CDH12: variants seen among roughly 807,000 people sequenced by gnomAD.
CDH12 encodes cadherin-12.
CDH12 carries 41 observed loss-of-function variants against 74.1 expected under a neutral mutation model. The ratio of observed to expected loss-of-function variants is 0.55; its 90% CI spans 0.43 to 0.72. CDH12 has a LOEUF of 0.72. CDH12 is among the 30% of genes least tolerant of loss of function. The pLI, the probability that CDH12 is intolerant of heterozygous loss-of-function variation, is 0.00. For synonymous variants in CDH12, 399 were observed against 355.0 expected (o/e 1.12, Z -1.39); for missense variants, 945 against 977.2 (o/e 0.97, Z 0.44).
At chr5:21,953,220 G>A (rs556563910) in intron 6 of CDH12, among the ~76,000 whole-genome samples, 1 of 151,910 alleles carries the variant, frequency 6.6e-6, no homozygotes, top group East Asian at 1.9e-4. Flanking sequence ...CCTTTCTATC[G>A]ATTTCAAGAC....
At chr5:22,350,927 A>G (rs1168621341) in intron 3 of CDH12, among the ~76,000 whole-genome samples, 1 of 152,214 alleles carries the variant, frequency 6.6e-6, no homozygotes, top group Non-Finnish European at 1.5e-5. Flanking sequence ...AAAGTAGAGT[A>G]GTATGTTCTA....
chr5:22,666,291 TTTTTTTTTTTG>T (rs1485884838), intron 1 of CDH12, among the ~76,000 whole-genome samples: 4 of 88,144 alleles, frequency 4.5e-5, no homozygotes, highest in Non-Finnish European at 7.2e-5. Context: ...TCTTTTTTTT[TTTTTTTTTTTG>T]TTTTTGAGAC....
chr5:21,833,364 T>A (rs1339328227), intron 8 of CDH12, among the ~76,000 whole-genome samples: 1 of 93,716 alleles, frequency 1.1e-5, no homozygotes, highest in Non-Finnish European at 1.9e-5. Flanking sequence ...ATATTATATA[T>A]TATATAGTAT....
intron 5 of CDH12, among the ~76,000 whole-genome samples, chr5:21,995,817 A>T (rs1024760451): frequency 3.3e-5 from 5 of 151,712 alleles, no homozygotes; most frequent in Admixed American, 6.6e-5. Flanking sequence ...CTGATTGCAT[A>T]AAAAAAAGCC....
At chr5:22,554,915 T>C (rs1738731338) in intron 1 of CDH12, among the ~76,000 whole-genome samples, 1 of 152,152 alleles carries the variant, frequency 6.6e-6, no homozygotes, top group South Asian at 2.1e-4. Context: ...TCAAGCACAC[T>C]TAATCATGTG....
chr5:21,944,743 T>C (rs538649952), intron 6 of CDH12, among the ~76,000 whole-genome samples: 189 of 152,242 alleles, frequency 1.2e-3, no homozygotes, highest in African/African-American at 4.4e-3. Context: ...CTGGTGTCAG[T>C]GGACCATATC....
intron 8 of CDH12, among the ~76,000 whole-genome samples, chr5:21,824,832 A>G (rs1368217994): frequency 6.6e-6 from 1 of 152,038 alleles, no homozygotes; most frequent in Non-Finnish European, 1.5e-5. Flanking sequence ...CCTCTACTTC[A>G]CACTCTACAA....
intron 1 of CDH12, among the ~76,000 whole-genome samples, chr5:22,720,500 A>G (rs1476808925): frequency 1.3e-5 from 2 of 152,180 alleles, no homozygotes; most frequent in Non-Finnish European, 2.9e-5. Flanking sequence ...TTGGTGCTGC[A>G]GAGAGTGGGG....
At chr5:21,851,296 CTAA>C (rs1157285495) in intron 7 of CDH12, among the ~76,000 whole-genome samples, 3 of 151,034 alleles carry the variant, frequency 2.0e-5, no homozygotes, top group African/African-American at 7.2e-5. Flanking sequence ...ATCATTTATA[CTAA>C]TATTTGTTTT....
At position 22,808,767 on chromosome 5, in the gene CDH12, T is replaced by TG. The variant is rs1257789292; in HGVS notation, c.-523+44290_-523+44291insC. Reference sequence around the variant, plus strand: ...GGCATACCCCACCACACCTGGTTTTTTTTTTTTTTTTTTTTTTTTTTAGTA... The same window carrying TG: ...GGCATACCCCACCACACCTGGTTTTTGTTTTTTTTTTTTTTTTTTTTTAGTA... On this transcript the variant is annotated intron_variant, in intron 1 of 14. Transcript: ENST00000382254. Among the ~76,000 whole-genome samples, 104 of 140,460 alleles carry TG rather than the reference T, an allele frequency of 7.4e-4. 2 individuals carry two copies. Among genetic ancestry groups the TG allele is most frequent in the African/African-American group, 2.7e-3 (103 of 37,704 alleles). 92.1% of individuals were successfully genotyped at this position (140,460 alleles called of 152,430 possible).
At chr5:22,804,019 T>TA (rs1748660915) in intron 1 of CDH12, among the ~76,000 whole-genome samples, 1 of 152,050 alleles carries the variant, frequency 6.6e-6, no homozygotes, top group South Asian at 2.1e-4. Context: ...CATATTTAAA[T>TA]AAAAAATGAA....
chr5:21,881,035 G>GT (rs911440528), intron 6 of CDH12, among the ~76,000 whole-genome samples: 2 of 151,850 alleles, frequency 1.3e-5, no homozygotes, highest in African/African-American at 4.8e-5. Context: ...TAAAATCTTA[G>GT]TTTTTTATTT....
chr5:22,380,104 A>C (rs1405168176), intron 3 of CDH12, among the ~76,000 whole-genome samples: 2 of 152,182 alleles, frequency 1.3e-5, no homozygotes, highest in Non-Finnish European at 2.9e-5. Context: ...TTCAATGCTA[A>C]GGCAATATTG....
intron 1 of CDH12, among the ~76,000 whole-genome samples, chr5:22,697,416 GA>G (rs1409576724): frequency 1.3e-5 from 2 of 151,696 alleles, no homozygotes; most frequent in Non-Finnish European, 2.9e-5. Context: ...CTAAAAAATA[GA>G]AAAAATTAGC....
chr5:22,275,486 G>A (rs1013366238), intron 3 of CDH12, among the ~76,000 whole-genome samples: 4 of 152,180 alleles, frequency 2.6e-5, no homozygotes, highest in South Asian at 2.1e-4. Flanking sequence ...CAGTAAAGCT[G>A]TACTTTACTT....
chr5:22,221,524 C>T (rs914783004), intron 3 of CDH12, among the ~76,000 whole-genome samples: 2 of 151,912 alleles, frequency 1.3e-5, no homozygotes, highest in African/African-American at 4.8e-5. Flanking sequence ...CTCTAAGTGA[C>T]TTAATGGCAC....
intron 3 of CDH12, among the ~76,000 whole-genome samples, chr5:22,368,093 C>A (rs184348686): frequency 6.6e-6 from 1 of 151,950 alleles, no homozygotes; most frequent in Non-Finnish European, 1.5e-5. Flanking sequence ...TATGTTAAGG[C>A]AAATTGTTTT....
At chr5:22,535,304 G>T (rs1163627620) in intron 1 of CDH12, among the ~76,000 whole-genome samples, 1 of 151,688 alleles carries the variant, frequency 6.6e-6, no homozygotes, top group Admixed American at 6.6e-5. Flanking sequence ...ACAGGCGCCC[G>T]CTACCACGCC....
chr5:21,936,740 C>T (rs140984683), intron 6 of CDH12, among the ~76,000 whole-genome samples: 1,964 of 152,194 alleles, frequency 0.013, 14 homozygotes, highest in African/African-American at 0.023. Context: ...GGGGAGGGAC[C>T]TGGTGGGAGG....
Sources: gnomAD v4.1 joint callset for allele counts (sites outside exome capture counted in the v4.1 genomes callset) on GRCh38, gnomAD v4.1.1 for gene constraint, MANE v1.5 for transcripts, NCBI Gene and HGNC (gene_info 2026-07-23, HGNC 2026-07-21) for gene names.